ACTR3: variants seen among roughly 807,000 people sequenced by gnomAD.
ACTR3 encodes the protein actin-related protein 3.
ACTR3 carries 12 observed loss-of-function variants against 56.8 expected under a neutral mutation model. The ratio of observed to expected loss-of-function variants is 0.21; its 90% CI spans 0.14 to 0.34. The LOEUF (loss-of-function observed/expected upper bound fraction) is 0.34. Among genes scored for constraint, ACTR3 ranks in the 10% least tolerant of loss-of-function variants. The pLI, the probability that ACTR3 is intolerant of heterozygous loss-of-function variation, is 1.00. For synonymous variants in ACTR3, 162 were observed against 167.4 expected (o/e 0.97, Z 0.25); for missense variants, 282 against 512.5 (o/e 0.55, Z 4.34).
rs772642332 is a variant in ACTR3, at chr2:113,931,413, T to C, written c.432+17T>C. 1 of 1,505,896 alleles carries C rather than the reference T, an allele frequency of 6.6e-7. No homozygotes were observed. The highest frequency in any genetic ancestry group is 1.3e-5 in the South Asian group (1 of 76,924). 93.3% of individuals were successfully genotyped at this position (1,505,896 alleles called of 1,614,324 possible). On this transcript the variant is annotated intron_variant, in intron 5 of 11. Transcript: ENST00000263238. ...GCTGTGCAGGTAAGCAAGTTCATAC[T>C]TTCTAAGTTTGATTCTTACATTTTA... is the stretch of plus-strand genomic sequence containing the variant.
intron 4 of ACTR3, among the ~76,000 whole-genome samples, chr2:113,928,074 C>T (rs966680385): frequency 2.0e-5 from 3 of 151,530 alleles, no homozygotes; most frequent in African/African-American, 7.3e-5. Context: ...CATTATTTAC[C>T]AACTTCCTAA....
intron 1 of ACTR3, chr2:113,890,826 T>G: frequency 1.0e-6 from 1 of 987,200 alleles, no homozygotes; most frequent in South Asian, 4.6e-5. Context: ...AGGGTGTGGG[T>G]GGGGAAAGGG....
chr2:113,934,337 C>A lies in ACTR3; in HGVS notation c.491C>A (p.Thr164Asn), dbSNP rs1386861291. ...TSRQVGERTLTGTVIDSGDGV... is the reference protein window; with the variant it reads ...TSRQVGERTLNGTVIDSGDGV... ...AGACAAGTAGGAGAACGGACGTTGA[C>A]CGGTACGGTAATAGACAGTGGAGAT... is the stretch of plus-strand genomic sequence containing the variant. Residue 164 changes from threonine (T) to asparagine (N), a missense_variant, in exon 6 of 12, where the codon ACC becomes AAC. Coordinates refer to ENST00000263238, the MANE Select transcript of ACTR3 (RefSeq NM_005721.5). The A allele has an allele frequency of 1.2e-6, 2 of 1,609,646 alleles. No individual in the cohort carries two copies. Among genetic ancestry groups the A allele is most frequent in the Admixed American group, 1.7e-5 (1 of 59,286 alleles).
intron 1 of ACTR3, among the ~76,000 whole-genome samples, chr2:113,905,793 T>C (rs1017612091): frequency 4.6e-5 from 7 of 152,232 alleles, no homozygotes; most frequent in Admixed American, 6.5e-5. Context: ...TTATAATGTA[T>C]TCAAGGTTCA....
chr2:113,960,547 G>A lies in ACTR3; in HGVS notation c.*3092G>A, dbSNP rs1680307663. The A allele has an allele frequency of 6.6e-6, 1 of 151,928 alleles. No individual in the cohort carries two copies. The allele number at this position is 151,928 out of a possible 1,614,324, so 9.4% of individuals were successfully genotyped here. A position where few individuals can be genotyped will look rare whatever the true frequency, so the allele number is the denominator to read the frequency against. On this transcript the variant is annotated 3_prime_UTR_variant, in exon 12 of 12. Coordinates refer to ENST00000263238, the MANE Select transcript of ACTR3 (RefSeq NM_005721.5). Reference sequence around the variant, plus strand: ...ATAACCCTAAAGATGATACTAGAATGTTTATAAAATTATTGAGAAGATTAT... The same window carrying A: ...ATAACCCTAAAGATGATACTAGAATATTTATAAAATTATTGAGAAGATTAT...
At chr2:113,943,884 G>C (rs1179447394) in intron 8 of ACTR3, among the ~76,000 whole-genome samples, 1 of 152,202 alleles carries the variant, frequency 6.6e-6, no homozygotes, top group African/African-American at 2.4e-5. Flanking sequence ...GAAGAGGTTG[G>C]CTGAGAAGGG....
chr2:113,922,653 G>C (rs1215090463), intron 3 of ACTR3, among the ~76,000 whole-genome samples: 3 of 152,138 alleles, frequency 2.0e-5, no homozygotes, highest in African/African-American at 7.2e-5. Context: ...TAGCACCCTA[G>C]TGCAAATGCT....
intron 3 of ACTR3, among the ~76,000 whole-genome samples, chr2:113,921,321 T>TA (rs1167642137): frequency 1.3e-5 from 2 of 151,930 alleles, no homozygotes; most frequent in African/African-American, 4.8e-5. Context: ...AATCAGTGTT[T>TA]TTTTTTTTTT....
At chr2:113,908,968 AT>A (rs1010660225) in intron 1 of ACTR3, among the ~76,000 whole-genome samples, 6 of 152,082 alleles carry the variant, frequency 3.9e-5, no homozygotes, top group Admixed American at 2.0e-4. Flanking sequence ...TTCCCCTCAT[AT>A]TTTTTAAGAA....
chr2:113,957,682 A>G lies in ACTR3; in HGVS notation c.*227A>G. ...ATTGAATATTTGAATCTTATGTGTA[A>G]CAAAAAGAAGTGGGTTTTAGTTCTT... On this transcript the variant is annotated 3_prime_UTR_variant, in exon 12 of 12. Coordinates refer to ENST00000263238, the MANE Select transcript of ACTR3 (RefSeq NM_005721.5). The G allele has an allele frequency of 4.4e-6, 2 of 453,916 alleles. No homozygotes were observed. The highest frequency in any genetic ancestry group is 6.7e-5 in the East Asian group (2 of 30,030). 28.1% of individuals were successfully genotyped at this position (453,916 alleles called of 1,614,324 possible). A position where few individuals can be genotyped will look rare whatever the true frequency, so the allele number is the denominator to read the frequency against.
intron 5 of ACTR3, among the ~76,000 whole-genome samples, chr2:113,933,379 G>A (rs1257302358): frequency 6.6e-6 from 1 of 151,942 alleles, no homozygotes; most frequent in African/African-American, 2.4e-5. Flanking sequence ...TGTGGTGGTG[G>A]GCACCTGTAA....
chr2:113,912,444 A>G (rs1242388656), intron 1 of ACTR3, among the ~76,000 whole-genome samples: 1 of 152,076 alleles, frequency 6.6e-6, no homozygotes, highest in Non-Finnish European at 1.5e-5. Context: ...TTATGTTGTT[A>G]TTTTGTTAGA....
At chr2:113,894,888 C>G (rs1024224773) in intron 1 of ACTR3, among the ~76,000 whole-genome samples, 1 of 152,144 alleles carries the variant, frequency 6.6e-6, no homozygotes, top group Non-Finnish European at 1.5e-5. Context: ...TCTGTTAACA[C>G]TCCGGGGACT....
intron 2 of ACTR3, among the ~76,000 whole-genome samples, chr2:113,915,737 TTTATC>T (rs1199948305): frequency 1.3e-5 from 2 of 152,214 alleles, no homozygotes; most frequent in East Asian, 3.8e-4. Context: ...GAATCCATTT[TTTATC>T]TTATCTCTCT....
chr2:113,906,094 CA>C (rs1343341549), intron 1 of ACTR3, among the ~76,000 whole-genome samples: 2 of 152,180 alleles, frequency 1.3e-5, no homozygotes, highest in African/African-American at 4.8e-5. Context: ...AGCATTGCAC[CA>C]TTTTAAACTC....
At chr2:113,920,993 A>G (rs1014107526) in intron 3 of ACTR3, among the ~76,000 whole-genome samples, 1 of 152,188 alleles carries the variant, frequency 6.6e-6, no homozygotes, top group Non-Finnish European at 1.5e-5. Flanking sequence ...CAATAGTAGG[A>G]TGGCTGGATC....
intron 1 of ACTR3, among the ~76,000 whole-genome samples, chr2:113,894,818 C>T (rs1453557579): frequency 6.6e-6 from 1 of 152,132 alleles, no homozygotes; most frequent in Non-Finnish European, 1.5e-5. Context: ...TGCCGTCTAC[C>T]TGGCAGGTGG....
At chr2:113,908,646 G>A (rs186657205) in intron 1 of ACTR3, among the ~76,000 whole-genome samples, 4 of 151,566 alleles carry the variant, frequency 2.6e-5, no homozygotes, top group African/African-American at 7.3e-5. Flanking sequence ...TAAAATTATT[G>A]CAATGTATTT....
At chr2:113,916,362 T>C (rs1423564289) in intron 2 of ACTR3, among the ~76,000 whole-genome samples, 1 of 152,218 alleles carries the variant, frequency 6.6e-6, no homozygotes, top group Non-Finnish European at 1.5e-5. Flanking sequence ...TTTCCTTTTA[T>C]ATATGTAGTT....
Sources: gnomAD v4.1 joint callset for allele counts (sites outside exome capture counted in the v4.1 genomes callset) on GRCh38, gnomAD v4.1.1 for gene constraint, MANE v1.5 for transcripts, NCBI Gene and HGNC (gene_info 2026-07-23, HGNC 2026-07-21) for gene names.